Variants in FUS observed in about 807,000 individuals in gnomAD.
FUS encodes the protein FUS RNA binding protein, also known as RNA-binding protein FUS.
In FUS, 5 loss-of-function variants were observed where a neutral mutation model predicts 82.7. The observed-to-expected ratio is 0.06, with a 90% CI of 0.03 to 0.13. The LOEUF (loss-of-function observed/expected upper bound fraction) is 0.13. Among genes scored for constraint, FUS ranks in the 10% least tolerant of loss-of-function variants. The probability of loss-of-function intolerance (pLI) is 1.00; values close to 1 mark genes in which losing one functional copy is unlikely to be tolerated. For synonymous variants in FUS, 281 were observed against 247.4 expected, an observed-to-expected ratio of 1.14 and a Z score of -1.27; for missense variants, 512 against 707.8, an observed-to-expected ratio of 0.72 and a Z score of 3.14.
At chr16:31,185,932 T>A (rs1567473353) in intron 6 of FUS, 1 of 250,766 alleles carries the variant, frequency 4.0e-6, no homozygotes, top group Non-Finnish European at 7.9e-6. Flanking sequence ...TAAATAAGAT[T>A]TGAAGGACCC....
chr16:31,186,744 A>AC, intron 6 of FUS, 58 bp from the exon 7 acceptor site: 1 of 1,566,352 alleles, frequency 6.4e-7, no homozygotes, highest in Non-Finnish European at 8.8e-7. Flanking sequence ...AAATCAAAAA[A>AC]CAACCTTTTG....
rs554000933 is a variant in FUS at position 31,183,387 on chromosome 16, AAGAG to A, written c.191-468_191-465del. 8.0e-5 allele frequency: 14 copies of A among 174,204 alleles called. No individual in the cohort carries two copies. The South Asian group carries it at 1.6e-3, about 20-fold the overall frequency. 10.8% of individuals were successfully genotyped at this position (174,204 alleles called of 1,614,324 possible). On this transcript the variant is annotated intron_variant, in intron 3 of 14. Transcript: ENST00000254108. ...CTCTTCTTATTTTCCATCAGCATGA[AAGAG>A]AGCATATTTTCTAAAGGAAGAACCA...
chr16:31,189,451 A>G (rs556707682), intron 9 of FUS, among the ~76,000 whole-genome samples: 1 of 152,320 alleles, frequency 6.6e-6, no homozygotes, highest in East Asian at 1.9e-4. Context: ...AACTCTTGAG[A>G]TTTGTACTCT....
chr16:31,187,208 A>G, intron 7 of FUS: 4 of 388,716 alleles, frequency 1.0e-5, no homozygotes, highest in Non-Finnish European at 1.9e-5. Context: ...CGTTGTGTCC[A>G]AGGCTTGTGT....
intron 10 of FUS, 70 bp from the exon 11 acceptor site, chr16:31,189,970 C>T (rs189774909): frequency 1.2e-5 from 18 of 1,555,042 alleles, no homozygotes; most frequent in African/African-American, 4.1e-5. Flanking sequence ...GAGAAAGGCA[C>T]GCTTCTCTTG....
chr16:31,188,980 CAA>C (rs1289852107), intron 8 of FUS, 141 bp from the exon 9 acceptor site: 6 of 710,288 alleles, frequency 8.4e-6, no homozygotes, highest in African/African-American at 3.5e-5. Flanking sequence ...TATAGGGACT[CAA>C]AAGGGATGTG....
intron 6 of FUS, chr16:31,185,946 T>TCTC (rs1291834452): frequency 4.2e-6 from 1 of 239,160 alleles, no homozygotes; most frequent in African/African-American, 2.2e-5. Context: ...AGGACCCTAC[T>TCTC]CTGTCTCCCT....
chr16:31,180,367 G>GT (rs1216798236), intron 1 of FUS, 140 bp downstream of exon 1: 3 of 1,082,928 alleles, frequency 2.8e-6, no homozygotes, highest in Admixed American at 2.0e-5. Context: ...GCGGAGAAGA[G>GT]TAACTGGAGG....
chr16:31,190,925 G>A (rs766360378), intron 13 of FUS, 38 bp from the exon 14 acceptor site: 25 of 1,612,120 alleles, frequency 1.6e-5, no homozygotes, highest in Middle Eastern at 1.6e-4. Context: ...GAACATAGGG[G>A]AATGGGAATA....
Position 31,184,358 on chromosome 16 carries a change from ACAG to A in FUS, c.492_494del (p.Ser165del), listed in dbSNP as rs769208948. 14 of 1,614,092 alleles carry A rather than the reference ACAG, an allele frequency of 8.7e-6. No individual in the cohort carries two copies. Among genetic ancestry groups the A allele is most frequent in the Non-Finnish European group, 9.3e-6 (11 of 1,180,006 alleles). Reference sequence around the variant, plus strand: ...GGCTATGGACAGCAGAACCAGTACAACAGCAGCAGTGGTGGTGGAGGTGGAGGT... The same window carrying A: ...GGCTATGGACAGCAGAACCAGTACAACAGCAGTGGTGGTGGAGGTGGAGGT... On this transcript the variant is annotated inframe_deletion, in exon 5 of 15. Coordinates refer to ENST00000254108, the MANE Select transcript of FUS (RefSeq NM_004960.4).
intron 6 of FUS, chr16:31,186,572 A>G (rs559751415): frequency 1.7e-6 from 1 of 588,266 alleles, no homozygotes; most frequent in South Asian, 2.1e-5. Context: ...AGATAACGTA[A>G]CCTTTTAAAG....
intron 1 of FUS, 98 bp from the exon 2 acceptor site, chr16:31,182,300 C>T (rs2079190823): frequency 6.9e-7 from 1 of 1,448,728 alleles, no homozygotes; most frequent in Non-Finnish European, 9.7e-7. Context: ...CTACGTGGTC[C>T]TTTTTATTCA....
chr16:31,181,050 T>C (rs2079169311), intron 1 of FUS, among the ~76,000 whole-genome samples: 2 of 152,128 alleles, frequency 1.3e-5, no homozygotes, highest in Admixed American at 1.3e-4. Context: ...GTAGTTGGGA[T>C]TATAGGCGCC....
chr16:31,187,989 A>T, intron 7 of FUS: 1 of 393,708 alleles, frequency 2.5e-6, no homozygotes, highest in Middle Eastern at 7.2e-4. Context: ...GGCCAAGCTG[A>T]GTTGGTTTGT....
chr16:31,186,634 C>T, intron 6 of FUS, 168 bp from the exon 7 acceptor site: 2 of 685,744 alleles, frequency 2.9e-6, no homozygotes, highest in South Asian at 1.6e-5. Flanking sequence ...GTGTGACATG[C>T]TCAAAGGTCA....
At chr16:31,183,505 A>G in intron 3 of FUS, 1 of 306,904 alleles carries the variant, frequency 3.3e-6, no homozygotes. Context: ...ATTTGCCCCA[A>G]GGTCCTGAAG....
chr16:31,193,601 A>G (rs2079388102), downstream of FUS: 2 of 529,422 alleles, frequency 3.8e-6, no homozygotes, highest in Admixed American at 4.5e-5. Flanking sequence ...CAAATGGCAT[A>G]TGTGATTGGC....
intron 1 of FUS, among the ~76,000 whole-genome samples, chr16:31,180,658 C>G (rs1026699474): frequency 6.6e-6 from 1 of 152,210 alleles, no homozygotes; most frequent in Non-Finnish European, 1.5e-5. Flanking sequence ...GTACCCCTTC[C>G]CCGCCTCGTG....
At chr16:31,192,219 C>T (rs1555509854), downstream of FUS, 1 of 526,114 alleles carries the variant, frequency 1.9e-6, no homozygotes, top group East Asian at 4.0e-5. Context: ...AGGTCATTGA[C>T]ATTATGAGAT....
Sources: allele counts gnomAD v4.1 joint callset (sites outside exome capture counted in the v4.1 genomes callset), GRCh38; gene constraint gnomAD v4.1.1; transcripts MANE v1.5; gene names NCBI Gene and HGNC (gene_info 2026-07-23, HGNC 2026-07-21).